Variants in PDE6D observed in about 807,000 individuals in gnomAD.
The protein encoded by PDE6D is phosphodiesterase 6D, also known as retinal rod rhodopsin-sensitive cGMP 3',5'-cyclic phosphodiesterase subunit delta.
A neutral mutation model predicts 21.9 loss-of-function variants in PDE6D; 10 were observed. That is an observed-to-expected ratio of 0.46 (90% CI 0.28 to 0.78). PDE6D has a LOEUF of 0.78. Among genes scored for constraint, PDE6D ranks in the 30% least tolerant of loss-of-function variants. The pLI is 0.12. For missense variants in PDE6D, 139 were observed against 184.8 expected, an observed-to-expected ratio of 0.75 and a Z score of 1.44; for synonymous variants, 59 against 63.5, an observed-to-expected ratio of 0.93 and a Z score of 0.34.
intron 1 of PDE6D, among the ~76,000 whole-genome samples, chr2:231,775,206 G>A (rs987225101): frequency 2.6e-5 from 4 of 151,318 alleles, no homozygotes; most frequent in Non-Finnish European, 4.4e-5. Context: ...GAACCACTGT[G>A]CCTGGCCTAA....
intron 1 of PDE6D, among the ~76,000 whole-genome samples, chr2:231,754,162 C>T (rs191955459): frequency 6.6e-6 from 1 of 152,090 alleles, no homozygotes; most frequent in Non-Finnish European, 1.5e-5. Context: ...GTGGAGGTAA[C>T]CATGACAGAG....
chr2:231,780,709 G>A (rs2106293295), intron 1 of PDE6D, among the ~76,000 whole-genome samples: 1 of 152,236 alleles, frequency 6.6e-6, no homozygotes, highest in South Asian at 2.1e-4. Flanking sequence ...CTTCTCCGCG[G>A]GCCGCAGCCC....
At chr2:231,746,483 C>T (rs1391069900) in intron 1 of PDE6D, among the ~76,000 whole-genome samples, 1 of 152,086 alleles carries the variant, frequency 6.6e-6, no homozygotes, top group African/African-American at 2.4e-5. Flanking sequence ...AATTCTTCTT[C>T]CAATGTGGCC....
At chr2:231,735,024 C>G (rs1350313763) in intron 4 of PDE6D, among the ~76,000 whole-genome samples, 1 of 149,028 alleles carries the variant, frequency 6.7e-6, no homozygotes, top group African/African-American at 2.5e-5. Flanking sequence ...GGGCGGATCA[C>G]GAGGTCAGGA....
At chr2:231,761,376 C>T in intron 1 of PDE6D, among the ~76,000 whole-genome samples, 1 of 140,904 alleles carries the variant, frequency 7.1e-6, no homozygotes, top group Non-Finnish European at 1.6e-5. Flanking sequence ...TGGGGTTTCA[C>T]CATGTTAGCC....
At chr2:231,776,321 C>CAAAAA (rs1008155828) in intron 1 of PDE6D, among the ~76,000 whole-genome samples, 1 of 54,036 alleles carries the variant, frequency 1.9e-5, no homozygotes, top group Non-Finnish European at 3.5e-5. Flanking sequence ...GACTCCGTCT[C>CAAAAA]AAAAAAAAAA....
In PDE6D at chr2:231,735,374, A is replaced by G. The variant is rs1332920022; in HGVS notation, c.371+1813T>C. The stretch of plus-strand genomic sequence containing the variant: ...GAGTGCAGAGGCGTGATCTCGGCTC[A>G]CTGCAACCTCCGGCACCCAGATTCA... On this transcript the variant is annotated intron_variant, in intron 4 of 4. Transcript: ENST00000287600. Among the ~76,000 whole-genome samples, 3 of 142,530 alleles carry G rather than the reference A, an allele frequency of 2.1e-5. No homozygotes were observed. In the East Asian group the frequency reaches 6.5e-4, roughly 31 times the overall value. 93.5% of individuals were successfully genotyped at this position (142,530 alleles called of 152,430 possible). A position where few individuals can be genotyped will look rare whatever the true frequency, so the allele number is the denominator to read the frequency against.
chr2:231,744,643 G>A (rs1224384265), intron 1 of PDE6D, among the ~76,000 whole-genome samples: 6 of 152,016 alleles, frequency 3.9e-5, no homozygotes, highest in African/African-American at 4.8e-5. Flanking sequence ...ATGTTGGTCA[G>A]GCTGGTCTCG....
Position 231,762,470 on chromosome 2 carries a change from G to A in PDE6D, c.50+18595C>T, listed in dbSNP as rs571981655. Among the ~76,000 whole-genome samples the A allele has an allele frequency of 4.0e-5, 6 of 150,910 alleles. No homozygotes were observed. The South Asian group carries it at 6.3e-4, about 16-fold the overall frequency. On this transcript the variant is annotated intron_variant, in intron 1 of 4. Transcript: ENST00000287600. ...AGTGATTCTCCTGCCTCAGCCTCCC[G>A]AGTAGCTGGGATTACAGGTGGGCAC...
chr2:231,770,545 G>A (rs1040896197), intron 1 of PDE6D, among the ~76,000 whole-genome samples: 4 of 152,274 alleles, frequency 2.6e-5, no homozygotes, highest in African/African-American at 9.6e-5. Flanking sequence ...GGCTGGGCAT[G>A]GTGGCTCATG....
intron 1 of PDE6D, among the ~76,000 whole-genome samples, chr2:231,771,986 C>T (rs762934657): frequency 6.6e-6 from 1 of 152,192 alleles, no homozygotes; most frequent in Non-Finnish European, 1.5e-5. Context: ...CTGCTTAAAA[C>T]ACTTTCTGGA....
intron 1 of PDE6D, among the ~76,000 whole-genome samples, chr2:231,767,762 T>C (rs1013997999): frequency 6.6e-6 from 1 of 152,102 alleles, no homozygotes; most frequent in Non-Finnish European, 1.5e-5. Context: ...GAAAGAGTAA[T>C]CTATTATTTC....
intron 1 of PDE6D, among the ~76,000 whole-genome samples, chr2:231,767,590 C>CA (rs1436036868): frequency 1.3e-5 from 2 of 151,992 alleles, no homozygotes; most frequent in African/African-American, 2.4e-5. Flanking sequence ...GCTGGGATTA[C>CA]GGTGTGAGCC....
At chr2:231,736,637 C>CA (rs34130127) in intron 4 of PDE6D, among the ~76,000 whole-genome samples, 3 of 152,062 alleles carry the variant, frequency 2.0e-5, no homozygotes, top group Non-Finnish European at 4.4e-5. Context: ...AGCCATTCTC[C>CA]AAAAAACTGT....
intron 1 of PDE6D, among the ~76,000 whole-genome samples, chr2:231,761,805 T>C (rs1370887237): frequency 6.6e-6 from 1 of 152,188 alleles, no homozygotes; most frequent in Non-Finnish European, 1.5e-5. Context: ...CCACATAAAA[T>C]ACTGGTGCTC....
At chr2:231,779,176 T>A (rs1355666088) in intron 1 of PDE6D, 1 of 152,216 alleles carries the variant, frequency 6.6e-6, no homozygotes, top group East Asian at 1.9e-4. Context: ...CTGCTTCCCT[T>A]GTGCTTCAGG....
chr2:231,732,813 TG>T lies in PDE6D; in HGVS notation c.*138del. The T allele has an allele frequency of 1.5e-6, 1 of 659,170 alleles. No individual in the cohort carries two copies. Among genetic ancestry groups the T allele is most frequent in the Non-Finnish European group, 2.7e-6 (1 of 365,834 alleles). 40.8% of individuals were successfully genotyped at this position (659,170 alleles called of 1,614,324 possible). Reference sequence around the variant, plus strand: ...GGTTACCTACACAGAGCTGGTCCCCTGGTGGCTGCAGGTAGGTTCTGCTGTT... The same window carrying T: ...GGTTACCTACACAGAGCTGGTCCCCTGTGGCTGCAGGTAGGTTCTGCTGTT... On this transcript the variant is annotated 3_prime_UTR_variant, in exon 5 of 5. Transcript: ENST00000287600.
chr2:231,781,171 G>A lies in PDE6D; in HGVS notation c.-57C>T, dbSNP rs527687837. The A allele has an allele frequency of 4.5e-6, 7 of 1,567,038 alleles. No homozygotes were observed. Among genetic ancestry groups the A allele is most frequent in the East Asian group, 4.5e-5 (2 of 44,350 alleles). ...CTCTGGTCGGCGGAGCCTCGCAGAC[G>A]GTGCCCAGGAGCCGAGGATGGAGCC... On this transcript the variant is annotated 5_prime_UTR_variant, in exon 1 of 5. Coordinates refer to ENST00000287600, the MANE Select transcript of PDE6D (RefSeq NM_002601.4).
intron 1 of PDE6D, among the ~76,000 whole-genome samples, chr2:231,755,500 C>T (rs942581872): frequency 5.9e-5 from 9 of 152,030 alleles, no homozygotes; most frequent in East Asian, 3.9e-4. Context: ...CAGAGGTGGG[C>T]GGGATCACTT....
Sources: allele counts gnomAD v4.1 joint callset (sites outside exome capture counted in the v4.1 genomes callset), GRCh38; gene constraint gnomAD v4.1.1; transcripts MANE v1.5; gene names NCBI Gene and HGNC (gene_info 2026-07-23, HGNC 2026-07-21).